ABCB7: variants seen among roughly 807,000 people sequenced by gnomAD.
The protein encoded by ABCB7 is iron-sulfur clusters transporter ABCB7, mitochondrial.
Under a neutral mutation model 54.4 loss-of-function variants are expected in ABCB7, and 7 were observed. The observed-to-expected ratio is 0.13, with a 90% CI of 0.07 to 0.24. The LOEUF (loss-of-function observed/expected upper bound fraction) is 0.24. ABCB7 is among the 10% of genes least tolerant of loss of function. ABCB7 has a pLI of 1.00. For missense variants in ABCB7, 356 were observed against 570.4 expected (o/e 0.62, Z 3.83); for synonymous variants, 218 against 207.1 (o/e 1.05, Z -0.45).
At chrX:75,136,696 C>A (rs980750288) in intron 1 of ABCB7, among the ~76,000 whole-genome samples, 2 of 111,498 alleles carry the variant, frequency 1.8e-5, no homozygotes, top group African/African-American at 6.5e-5. Flanking sequence ...GACAGACTGA[C>A]CATTGGAACA....
chrX:75,096,329 C>T (rs750520951), intron 4 of ABCB7, among the ~76,000 whole-genome samples: 186 of 111,666 alleles, frequency 1.7e-3, no homozygotes, highest in Non-Finnish European at 2.6e-3. Flanking sequence ...GTACTCTTTC[C>T]CAAGAATGGG....
rs193183982 is a variant in ABCB7, at chrX:75,094,587, C to T, written c.453+4355G>A. Among the ~76,000 whole-genome samples, 193 of 110,791 alleles carry T rather than the reference C, an allele frequency of 1.7e-3. 1 individual carries two copies. The highest frequency in any genetic ancestry group is 6.0e-3 in the African/African-American group (183 of 30,423). The stretch of plus-strand genomic sequence containing the variant: ...AATTAGACGGGCATGGTGGCATGCA[C>T]CTGTAATCCCAGCTACTCAGGAGGC... On this transcript the variant is annotated intron_variant, in intron 4 of 15. Coordinates refer to ENST00000373394, the MANE Select transcript of ABCB7 (RefSeq NM_001271696.3).
At chrX:75,144,787 G>A (rs1210991347) in intron 1 of ABCB7, among the ~76,000 whole-genome samples, 1 of 110,232 alleles carries the variant, frequency 9.1e-6, no homozygotes, top group East Asian at 2.8e-4. Flanking sequence ...CACAGCAAGA[G>A]GAGAAACCAC....
At chrX:75,059,327 A>G (rs1156842539) in intron 15 of ABCB7, among the ~76,000 whole-genome samples, 2 of 109,829 alleles carry the variant, frequency 1.8e-5, no homozygotes, top group African/African-American at 6.6e-5. Context: ...AAAATTAGCT[A>G]GGTGTGTGGC....
intron 3 of ABCB7, among the ~76,000 whole-genome samples, chrX:75,099,831 A>G (rs1310838369): frequency 9.1e-6 from 1 of 110,060 alleles, no homozygotes; most frequent in Non-Finnish European, 1.9e-5. Context: ...CATTAAAATC[A>G]TAACTTGATT....
At chrX:75,149,037 A>C (rs1237784998) in intron 1 of ABCB7, among the ~76,000 whole-genome samples, 1 of 111,397 alleles carries the variant, frequency 9.0e-6, no homozygotes, top group African/African-American at 3.3e-5. Flanking sequence ...GTAAACCAAA[A>C]TCGAAGCTTC....
rs1264028097 is a variant in ABCB7, at chrX:75,052,514, C to T, written c.*856G>A. The T allele has an allele frequency of 3.7e-5, 4 of 107,754 alleles. No individual in the cohort carries two copies. The highest frequency in any genetic ancestry group is 7.6e-5 in the Non-Finnish European group (4 of 52,358). The allele number at this position is 107,754 out of a possible 1,213,427, so 8.9% of individuals were successfully genotyped here. Reference sequence around the variant, plus strand: ...TAAGTATAGGCTGGGCATGATGGCTCACACCTGTAATCCCAGAACTTTGGG... The same window carrying T: ...TAAGTATAGGCTGGGCATGATGGCTTACACCTGTAATCCCAGAACTTTGGG... On this transcript the variant is annotated 3_prime_UTR_variant, in exon 16 of 16. Transcript: ENST00000373394.
chrX:75,127,420 G>C (rs1408259194), intron 1 of ABCB7, among the ~76,000 whole-genome samples: 1 of 111,524 alleles, frequency 9.0e-6, no homozygotes, highest in African/African-American at 3.3e-5. Context: ...AAAATAATAA[G>C]AACTATTTAT....
At chrX:75,057,382 T>C (rs1339873558) in intron 15 of ABCB7, among the ~76,000 whole-genome samples, 6 of 110,407 alleles carry the variant, frequency 5.4e-5, no homozygotes, top group African/African-American at 2.0e-4. Context: ...TAAGTTTCCT[T>C]TACTTTTTTT....
At chrX:75,090,891 C>T (rs1485500419) in intron 4 of ABCB7, among the ~76,000 whole-genome samples, 1 of 111,120 alleles carries the variant, frequency 9.0e-6, no homozygotes, top group African/African-American at 3.3e-5. Flanking sequence ...TGGACAAATT[C>T]CTTAAAAGAT....
intron 1 of ABCB7, among the ~76,000 whole-genome samples, chrX:75,139,103 C>T (rs998124000): frequency 6.4e-5 from 7 of 109,934 alleles, no homozygotes; most frequent in African/African-American, 2.3e-4. Context: ...GCTAGCTCAG[C>T]ACCTAATCTC....
At chrX:75,061,706 A>T (rs1205725593) in intron 14 of ABCB7, among the ~76,000 whole-genome samples, 1 of 112,174 alleles carries the variant, frequency 8.9e-6, no homozygotes, top group Non-Finnish European at 1.9e-5. Context: ...GGATATGATA[A>T]TGAAATTACC....
At chrX:75,110,976 A>T (rs1423998217) in intron 3 of ABCB7, among the ~76,000 whole-genome samples, 2 of 111,793 alleles carry the variant, frequency 1.8e-5, no homozygotes, top group Non-Finnish European at 3.8e-5. Flanking sequence ...AGGGAAGCAA[A>T]GCTGGGTTTG....
chrX:75,115,956 T>C (rs2081814436), intron 1 of ABCB7, among the ~76,000 whole-genome samples: 1 of 111,785 alleles, frequency 8.9e-6, no homozygotes, highest in Non-Finnish European at 1.9e-5. Flanking sequence ...TAGTATCATA[T>C]GACAGATTAA....
chrX:75,079,429 T>C (rs1378321325), intron 4 of ABCB7, among the ~76,000 whole-genome samples: 2 of 111,883 alleles, frequency 1.8e-5, no homozygotes, highest in Non-Finnish European at 3.8e-5. Flanking sequence ...ATAGTGGTTT[T>C]CCCCAATATC....
intron 1 of ABCB7, among the ~76,000 whole-genome samples, chrX:75,150,424 C>T (rs778376316): frequency 9.0e-6 from 1 of 110,733 alleles, no homozygotes; most frequent in African/African-American, 3.3e-5. Context: ...CTATATATAC[C>T]TATTAACATT....
chrX:75,156,157 G>T lies in ABCB7; in HGVS notation c.116C>A (p.Pro39Gln). The T allele has an allele frequency of 8.3e-7, 1 of 1,208,498 alleles. No homozygotes were observed. The highest frequency in any genetic ancestry group is 1.1e-6 in the Non-Finnish European group (1 of 893,999). ...GCCGAGTTGATGTGGCCTCCACTGCGGACCTGAGCCGCTAACAGAGACTAA... is the reference window on the plus strand; with the variant it reads ...GCCGAGTTGATGTGGCCTCCACTGCTGACCTGAGCCGCTAACAGAGACTAA... ...RPLVSVSGSGPQWRPHQLGAL... is the reference protein window; with the variant it reads ...RPLVSVSGSGQQWRPHQLGAL... Residue 39 changes from proline to glutamine, a missense_variant, in exon 1 of 16, where the codon CCG becomes CAG. Pro to Gln is a moderately conservative substitution (Grantham distance 76). Around this residue, in one of 2 missense-constraint regions of ABCB7, gnomAD observed 115 missense variants for 99.5 expected, o/e 1.16. Coordinates refer to ENST00000373394, the MANE Select transcript of ABCB7 (RefSeq NM_001271696.3).
At chrX:75,102,684 C>A (rs2081650003) in intron 3 of ABCB7, among the ~76,000 whole-genome samples, 1 of 111,300 alleles carries the variant, frequency 9.0e-6, no homozygotes, top group African/African-American at 3.3e-5. Flanking sequence ...AGTGGGATGG[C>A]TGGATCATAT....
At chrX:75,055,472 C>T (rs935085721) in intron 15 of ABCB7, among the ~76,000 whole-genome samples, 5 of 98,826 alleles carry the variant, frequency 5.1e-5, no homozygotes, top group South Asian at 5.1e-4. Context: ...TTTGGGAGGC[C>T]GAGATGAGAG....
Sources: allele counts gnomAD v4.1 joint callset (sites outside exome capture counted in the v4.1 genomes callset), GRCh38; gene constraint gnomAD v4.1.1; regional missense constraint gnomAD v4.1.1; transcripts MANE v1.5; gene names NCBI Gene and HGNC (gene_info 2026-07-23, HGNC 2026-07-21).